SPOCK3: variants seen among roughly 807,000 people sequenced by gnomAD.
SPOCK3 encodes the protein SPARC (osteonectin), cwcv and kazal like domains proteoglycan 3.
A neutral mutation model predicts 56.6 loss-of-function variants in SPOCK3; 30 were observed. The observed-to-expected ratio is 0.53, with a 90% CI of 0.40 to 0.72. The LOEUF (loss-of-function observed/expected upper bound fraction) is 0.72. Among genes scored for constraint, SPOCK3 ranks in the 30% least tolerant of loss-of-function variants. SPOCK3 has a pLI of 0.00. For synonymous variants in SPOCK3, 196 were observed against 183.3 expected (o/e 1.07, Z -0.56); for missense variants, 527 against 530.0 (o/e 0.99, Z 0.06).
intron 6 of SPOCK3, among the ~76,000 whole-genome samples, chr4:166,849,076 A>G (rs773384168): frequency 1.4e-4 from 22 of 152,234 alleles, no homozygotes; most frequent in Non-Finnish European, 3.1e-4. Context: ...ATTTAGAAAT[A>G]CATGAATATC....
chr4:166,991,300 T>C (rs1643261331), intron 4 of SPOCK3, among the ~76,000 whole-genome samples: 2 of 151,914 alleles, frequency 1.3e-5, no homozygotes, highest in African/African-American at 4.8e-5. Context: ...ACACATACAT[T>C]TATTCCTGAA....
chr4:166,993,623 A>G (rs1748038499), intron 4 of SPOCK3, among the ~76,000 whole-genome samples: 1 of 152,172 alleles, frequency 6.6e-6, no homozygotes, highest in African/African-American at 2.4e-5. Flanking sequence ...AGGTAATCTT[A>G]AATTTCATAT....
At chr4:167,233,963 G>A (rs771400266) in intron 2 of SPOCK3, 22 bp downstream of exon 2, 7 of 1,604,880 alleles carry the variant, frequency 4.4e-6, no homozygotes, top group South Asian at 1.1e-5. Flanking sequence ...TGTGCCCGGG[G>A]ATGTGGGTGC....
chr4:166,771,438 A>C (rs1047965382), intron 7 of SPOCK3, among the ~76,000 whole-genome samples: 9 of 152,040 alleles, frequency 5.9e-5, no homozygotes, highest in Non-Finnish European at 4.4e-5. Context: ...TGTGCACATT[A>C]AGGCCTAGGT....
At chr4:167,131,657 T>C (rs985869555) in intron 2 of SPOCK3, among the ~76,000 whole-genome samples, 1 of 152,144 alleles carries the variant, frequency 6.6e-6, no homozygotes, top group South Asian at 2.1e-4. Flanking sequence ...AGTATACAGA[T>C]AACAGTCCTA....
intron 2 of SPOCK3, among the ~76,000 whole-genome samples, chr4:167,121,539 G>A (rs912453302): frequency 6.6e-6 from 1 of 152,000 alleles, no homozygotes; most frequent in Non-Finnish European, 1.5e-5. Context: ...CAAGTGATAG[G>A]AAGCAATAGG....
At chr4:166,831,302 T>G (rs1185242841) in intron 6 of SPOCK3, among the ~76,000 whole-genome samples, 1 of 152,212 alleles carries the variant, frequency 6.6e-6, no homozygotes, top group Non-Finnish European at 1.5e-5. Context: ...GGAGCTGGCA[T>G]GTATTTCTTT....
rs865818956 is a variant in SPOCK3 at position 166,754,555 on chromosome 4, C to T, written c.884G>A (p.Ser295Asn). ...FFNSCDTYKD[S>N]LISNNEWCYC... ...GCACCACTCATTATTAGATATTAAA[C>T]TGTCCTTGTATGTGTCACAAGAATT... Residue 295 changes from serine (S) to asparagine (N), a missense_variant, in exon 8 of 11, where the codon AGT (serine) becomes AAT (asparagine). By Grantham distance (46) the Ser-to-Asn change is conservative (BLOSUM62 1). Coordinates refer to ENST00000357545, the MANE Select transcript of SPOCK3 (RefSeq NM_001040159.2). The T allele has an allele frequency of 3.1e-6, 5 of 1,613,456 alleles. No individual in the cohort carries two copies. The highest frequency in any genetic ancestry group is 4.2e-6 in the Non-Finnish European group (5 of 1,179,696).
chr4:167,197,692 G>T (rs1175640006), intron 2 of SPOCK3, among the ~76,000 whole-genome samples: 1 of 151,970 alleles, frequency 6.6e-6, no homozygotes, highest in Non-Finnish European at 1.5e-5. Context: ...CAAAAATCAG[G>T]TTTGCCCCAA....
At chr4:166,792,381 G>T (rs1174894145) in intron 6 of SPOCK3, 92 bp from the exon 7 acceptor site, 34 of 1,381,100 alleles carry the variant, frequency 2.5e-5, no homozygotes, top group Non-Finnish European at 3.2e-5. Context: ...TGAAAGGTAA[G>T]AACGACTAAA....
intron 3 of SPOCK3, among the ~76,000 whole-genome samples, chr4:167,004,709 G>A (rs533144411): frequency 6.6e-6 from 1 of 152,056 alleles, no homozygotes; most frequent in African/African-American, 2.4e-5. Flanking sequence ...GATTCAATAG[G>A]GTCTAATTAT....
chr4:166,843,177 AC>A (rs1173477629), intron 6 of SPOCK3, among the ~76,000 whole-genome samples: 3 of 150,226 alleles, frequency 2.0e-5, no homozygotes, highest in African/African-American at 7.3e-5. Context: ...CTCCCTCCAC[AC>A]CCCCCCGCAA....
intron 4 of SPOCK3, among the ~76,000 whole-genome samples, chr4:166,999,004 T>C (rs75149273): frequency 0.016 from 2,507 of 152,246 alleles, 60 homozygotes; most frequent in African/African-American, 0.056. Flanking sequence ...GTTATCCCTC[T>C]GTAAAATTAG....
At chr4:166,824,859 G>T (rs759452027) in intron 6 of SPOCK3, among the ~76,000 whole-genome samples, 7 of 151,742 alleles carry the variant, frequency 4.6e-5, no homozygotes, top group Non-Finnish European at 1.0e-4. Flanking sequence ...ATCCTTGCAG[G>T]GAAAATTACA....
intron 4 of SPOCK3, among the ~76,000 whole-genome samples, chr4:166,944,019 T>C (rs571948730): frequency 6.6e-6 from 1 of 152,086 alleles, no homozygotes; most frequent in Non-Finnish European, 1.5e-5. Context: ...TAGTGGCCCA[T>C]GCCTGTAGTC....
At chr4:167,195,163 A>G (rs181197463) in intron 2 of SPOCK3, among the ~76,000 whole-genome samples, 3 of 152,330 alleles carry the variant, frequency 2.0e-5, no homozygotes, top group African/African-American at 7.2e-5. Context: ...CAAGGGACAT[A>G]GATGGGTGTC....
chr4:167,195,713 CG>C (rs1732880020), intron 2 of SPOCK3, among the ~76,000 whole-genome samples: 1 of 152,148 alleles, frequency 6.6e-6, no homozygotes, highest in South Asian at 2.1e-4. Context: ...AAGGCTAAAA[CG>C]CATTGCAGAT....
intron 2 of SPOCK3, among the ~76,000 whole-genome samples, chr4:167,174,693 G>A (rs1385243108): frequency 6.6e-6 from 1 of 152,136 alleles, no homozygotes; most frequent in Non-Finnish European, 1.5e-5. Flanking sequence ...AAGCAAACGA[G>A]AGGCCTTGAG....
chr4:167,078,914 A>G lies in SPOCK3; in HGVS notation c.190-16377T>C, dbSNP rs1757460620. Among the ~76,000 whole-genome samples, 3 of 152,028 alleles carry G rather than the reference A, an allele frequency of 2.0e-5. No individual in the cohort carries two copies. The Middle Eastern group carries it at 0.01, about 517-fold the overall frequency. On this transcript the variant is annotated intron_variant, in intron 2 of 10. Transcript: ENST00000357545. ...TGCTCCCTGTATGCCTGGAGCTTAG[A>G]GTCTGACTCTGGGGCTTTGTACTCA...
Sources: gnomAD v4.1 joint callset for allele counts (sites outside exome capture counted in the v4.1 genomes callset) on GRCh38, gnomAD v4.1.1 for gene constraint, MANE v1.5 for transcripts, NCBI Gene and HGNC (gene_info 2026-07-23, HGNC 2026-07-21) for gene names.